Variants in ADAMTS8 observed in about 807,000 individuals in gnomAD.
ADAMTS8 encodes the protein ADAM metallopeptidase with thrombospondin type 1 motif 8.
Under a neutral mutation model 64.4 loss-of-function variants are expected in ADAMTS8, and 50 were observed. That is an observed-to-expected ratio of 0.78 (90% confidence interval 0.62 to 0.98). ADAMTS8 has a LOEUF of 0.98. ADAMTS8 is among the 50% of genes least tolerant of loss of function. The pLI is 0.00. For missense variants in ADAMTS8, 1,192 were observed against 1,208.2 expected (o/e 0.99, Z 0.20); for synonymous variants, 556 against 533.6 (o/e 1.04, Z -0.58).
rs1331614998 is a variant in ADAMTS8, at chr11:130,428,008, GC to G, written c.278del (p.Gly93AlafsTer14). The G allele has an allele frequency of 6.6e-7, 1 of 1,525,766 alleles. No individual in the cohort carries two copies. The highest frequency in any genetic ancestry group is 8.7e-7 in the Non-Finnish European group (1 of 1,143,024). 94.5% of individuals were successfully genotyped at this position (1,525,766 alleles called of 1,614,324 possible). Reference protein sequence around the residue: ...RLGGSGRATGGERGLRGCFFS... With the variant: ...RLGGSGRATGXERGLRGCFFS... The stretch of plus-strand genomic sequence containing the variant: ...AGAAGCAGCCGCGCAGCCCCCGCTC[GC>G]CCCCGGTCGCCCGGCCGGAGCCCCC... On this transcript the variant is annotated frameshift_variant, in exon 1 of 9. Transcript: ENST00000257359. LOFTEE classifies it high-confidence loss of function.
Position 130,428,422 on chromosome 11 carries a change from C to T in ADAMTS8, c.-136G>A, listed in dbSNP as rs1210778964. On this transcript the variant is annotated 5_prime_UTR_variant, in exon 1 of 9. Transcript: ENST00000257359. ...AATCGGGTGCAAGGCCGACTCGGCC[C>T]GCGGGGCCCGGCGGCGGGAGCGCTC... 3 of 1,078,062 alleles carry T rather than the reference C, an allele frequency of 2.8e-6. No homozygotes were observed. Among genetic ancestry groups the T allele is most frequent in the African/African-American group, 3.4e-5 (2 of 58,960 alleles). 66.8% of individuals were successfully genotyped at this position (1,078,062 alleles called of 1,614,324 possible).
At chr11:130,408,442 C>T (rs369845266) in intron 8 of ADAMTS8, 22 bp downstream of exon 8, 76 of 1,612,478 alleles carry the variant, frequency 4.7e-5, no homozygotes, top group Middle Eastern at 2.0e-4. Flanking sequence ...AAGCAAGGTA[C>T]AGAACTTCTG....
rs1295539176 is a variant in ADAMTS8, at chr11:130,408,413, C to T, written c.2099+51G>A. On this transcript the variant is annotated intron_variant, in intron 8 of 8. Coordinates refer to ENST00000257359, the MANE Select transcript of ADAMTS8 (RefSeq NM_007037.6). ...AATTTGGGCCTAGCAGAGTGCAAAG[C>T]CCATTATGCTCTTCTACCAAGCAAG... The T allele has an allele frequency of 4.4e-6, 7 of 1,601,726 alleles. 1 individual carries two copies. The South Asian group carries it at 7.8e-5, about 18-fold the overall frequency.
At chr11:130,427,285 C>A (rs1379676684) in intron 1 of ADAMTS8, among the ~76,000 whole-genome samples, 1 of 152,072 alleles carries the variant, frequency 6.6e-6, no homozygotes, top group Non-Finnish European at 1.5e-5. Context: ...GCGGGAGATT[C>A]GGATGAGAGG....
rs1276472016 is a variant in ADAMTS8 at position 130,414,802 on chromosome 11, G to A, written c.1295C>T (p.Ala432Val). The A allele has an allele frequency of 5.6e-6, 9 of 1,611,430 alleles. No homozygotes were observed. The highest frequency in any genetic ancestry group is 1.7e-4 in the Middle Eastern group (1 of 5,944). The change falls in exon 5 of 9, where the codon GCC (alanine) becomes GTC (valine). Residue 432 changes from alanine to valine, a missense_variant. Around this residue, in one of 5 missense-constraint regions of ADAMTS8, gnomAD observed 741 missense variants for 710.6 expected, o/e 1.04. Coordinates refer to ENST00000257359, the MANE Select transcript of ADAMTS8 (RefSeq NM_007037.6). Reference protein sequence around the residue: ...GDCLLDAPAAALPLPTGLPGR... With the variant: ...GDCLLDAPAAVLPLPTGLPGR... Reference sequence around the variant, plus strand: ...CGGGAGGCCTGTGGGGAGGGGCAGGGCCGCAGCAGGGGCATCCAGGAGACA... The same window carrying A: ...CGGGAGGCCTGTGGGGAGGGGCAGGACCGCAGCAGGGGCATCCAGGAGACA...
At position 130,414,837 on chromosome 11, in the gene ADAMTS8, GA is replaced by G. The variant is rs1176420833; in HGVS notation, c.1265-6del. 5.6e-6 allele frequency: 9 copies of G among 1,601,038 alleles called. No homozygotes were observed. Among genetic ancestry groups the G allele is most frequent in the Non-Finnish European group, 7.7e-6 (9 of 1,172,656 alleles). ...GGGCATCCAGGAGACAGTCTCCTGG[GA>G]AAAGAGGAAGCAGGGGTGTAAGAAC... On this transcript the variant is annotated splice_polypyrimidine_tract_variant and splice_region_variant and intron_variant, in intron 4 of 8. Transcript: ENST00000257359.
At chr11:130,420,262 C>T (rs2134687800) in intron 1 of ADAMTS8, among the ~76,000 whole-genome samples, 1 of 152,350 alleles carries the variant, frequency 6.6e-6, no homozygotes. Flanking sequence ...TCCACCCAGG[C>T]TGGCCAACAG....
chr11:130,417,234 TTTAAA>T (rs10522527), intron 2 of ADAMTS8, among the ~76,000 whole-genome samples, 159 bp from the exon 3 acceptor site: 1 of 150,038 alleles, frequency 6.7e-6, no homozygotes, highest in African/African-American at 2.4e-5. Context: ...TTATTGAGCT[TTTAAA>T]TTAAATTAAA....
chr11:130,428,452 G>A lies in ADAMTS8; in HGVS notation c.-166C>T. 1 of 1,035,556 alleles carries A rather than the reference G, an allele frequency of 9.7e-7. No homozygotes were observed. Among genetic ancestry groups the A allele is most frequent in the Admixed American group, 5.7e-5 (1 of 17,394 alleles). 64.1% of individuals were successfully genotyped at this position (1,035,556 alleles called of 1,614,324 possible). On this transcript the variant is annotated 5_prime_UTR_variant, in exon 1 of 9. Transcript: ENST00000257359. ...GGCCCGGCGGCGGGAGCGCTCCCCC[G>A]GCGGCCCCTCTGGCTGGCGCAGCCC...
intron 1 of ADAMTS8, among the ~76,000 whole-genome samples, chr11:130,427,025 C>T (rs183929569): frequency 3.9e-5 from 6 of 152,336 alleles, no homozygotes; most frequent in Non-Finnish European, 7.3e-5. Flanking sequence ...TTGGGCAGCC[C>T]CTCTCCAGGT....
chr11:130,424,338 C>T (rs1862135708), intron 1 of ADAMTS8, among the ~76,000 whole-genome samples: 1 of 152,304 alleles, frequency 6.6e-6, no homozygotes, highest in South Asian at 2.1e-4. Context: ...CCCTCTGCCC[C>T]CCTCACTGGT....
intron 8 of ADAMTS8, 136 bp from the exon 9 acceptor site, chr11:130,406,264 C>T: frequency 9.3e-7 from 1 of 1,073,010 alleles, no homozygotes; most frequent in Non-Finnish European, 1.3e-6. Flanking sequence ...CAAGTTGCCT[C>T]AAAGTTCTCA....
In ADAMTS8 at chr11:130,405,589, T is replaced by C; in HGVS notation, c.2639A>G (p.Lys880Arg). ...GGGGCACAGCTGGCTTTCGCAGGGC[T>C]TGGCATCCTCGGGTTTCAGAGCCTT... ...CNKALKPEDA[K>R]PCESQLCPL is the part of the protein sequence containing the mutation. Residue 880 changes from lysine to arginine, a missense_variant, in exon 9 of 9, where the codon AAG (lysine) becomes AGG (arginine). By Grantham distance (26) the Lys-to-Arg change is conservative. This residue lies in a region of ADAMTS8 where 147 missense variants were observed against 154.1 expected (regional missense o/e 0.95). Coordinates refer to ENST00000257359, the MANE Select transcript of ADAMTS8 (RefSeq NM_007037.6). The C allele has an allele frequency of 6.2e-7, 1 of 1,609,528 alleles. No individual in the cohort carries two copies. The highest frequency in any genetic ancestry group is 8.5e-7 in the Non-Finnish European group (1 of 1,176,540).
chr11:130,405,638 C>CGGA lies in ADAMTS8; in HGVS notation c.2587_2589dup (p.Ser863dup). 6.2e-7 allele frequency: 1 copy of CGGA among 1,614,008 alleles called. No individual in the cohort carries two copies. Among genetic ancestry groups the CGGA allele is most frequent in the Non-Finnish European group, 8.5e-7 (1 of 1,179,962 alleles). On this transcript the variant is annotated inframe_insertion, in exon 9 of 9. Transcript: ENST00000257359. ...TTGTTGCAGGTGGCAGAGGCCTGGCCGGAGGGGTCCCTGCACTCTACAGTT... is the reference window on the plus strand; with the variant it reads ...TTGTTGCAGGTGGCAGAGGCCTGGCCGGAGGAGGGGTCCCTGCACTCTACAGTT...
rs1264664903 is a variant in ADAMTS8 at position 130,416,067 on chromosome 11, G to A, written c.1264+96C>T. ...GGCTGGCCGGGGACTCAGCTCTAAG[G>A]GCCCTGTGAGGAGGCACAGCTGGAG... is the stretch of plus-strand genomic sequence containing the variant. On this transcript the variant is annotated intron_variant, in intron 4 of 8. Coordinates refer to ENST00000257359, the MANE Select transcript of ADAMTS8 (RefSeq NM_007037.6). The surrounding 1 kb of genome is among the most constrained non-coding windows in gnomAD (Gnocchi z 4.8). 34 of 1,391,872 alleles carry A rather than the reference G, an allele frequency of 2.4e-5. No individual in the cohort carries two copies. Among genetic ancestry groups the A allele is most frequent in the Non-Finnish European group, 3.1e-5 (33 of 1,049,370 alleles). The allele number at this position is 1,391,872 out of a possible 1,614,324, so 86.2% of individuals were successfully genotyped here. A position where few individuals can be genotyped will look rare whatever the true frequency, so the allele number is the denominator to read the frequency against.
chr11:130,408,737 C>T, intron 7 of ADAMTS8, 31 bp downstream of exon 7: 2 of 1,613,490 alleles, frequency 1.2e-6, no homozygotes, highest in Non-Finnish European at 1.7e-6. Flanking sequence ...TCCTCCCCAT[C>T]TCTGGATCTG....
chr11:130,413,249 A>G (rs776858952), intron 5 of ADAMTS8, among the ~76,000 whole-genome samples: 5 of 152,160 alleles, frequency 3.3e-5, no homozygotes, highest in Non-Finnish European at 7.4e-5. Flanking sequence ...CTCTCCCTGC[A>G]CTTAGCTCGG....
At position 130,411,396 on chromosome 11, in the gene ADAMTS8, G is replaced by C. The variant is rs1196660996; in HGVS notation, c.1750+21C>G. On this transcript the variant is annotated intron_variant, in intron 6 of 8. Transcript: ENST00000257359. This position sits in a 1 kb window ranked among gnomAD's most constrained non-coding sequence, Gnocchi z 4.2. ...AATGATAGTAGCTGCTCTGGCAGGG[G>C]CGGCCCTGAGTGGTAATTACCGTCA... The C allele has an allele frequency of 1.9e-6, 3 of 1,610,190 alleles. No individual in the cohort carries two copies.
chr11:130,415,690 C>T (rs1465793788), intron 4 of ADAMTS8, among the ~76,000 whole-genome samples: 1 of 146,490 alleles, frequency 6.8e-6, no homozygotes, highest in African/African-American at 2.5e-5. Context: ...TTACTGGTAG[C>T]CTTGACCTCC....
Sources: allele counts gnomAD v4.1 joint callset (sites outside exome capture counted in the v4.1 genomes callset), GRCh38; gene constraint gnomAD v4.1.1; regional missense constraint gnomAD v4.1.1; non-coding constraint Gnocchi (gnomAD v3.1); transcripts MANE v1.5; gene names NCBI Gene and HGNC (gene_info 2026-07-23, HGNC 2026-07-21).